Variants in STAP1 observed in about 807,000 individuals in gnomAD.
STAP1 encodes the protein signal-transducing adaptor protein 1.
In STAP1, 30 loss-of-function variants were observed where a neutral mutation model predicts 37.8. That is an observed-to-expected ratio of 0.79 (90% confidence interval 0.59 to 1.08). The LOEUF (loss-of-function observed/expected upper bound fraction) is 1.08. Among genes scored for constraint, STAP1 ranks in the 50% least tolerant of loss-of-function variants. The pLI is 0.00. For missense variants in STAP1, 357 were observed against 349.4 expected (o/e 1.02, Z -0.17); for synonymous variants, 130 against 116.0 (o/e 1.12, Z -0.78).
chr4:67,601,059 T>C (rs1728331260), intron 8 of STAP1, among the ~76,000 whole-genome samples: 2 of 152,168 alleles, frequency 1.3e-5, no homozygotes, highest in Non-Finnish European at 2.9e-5. Context: ...CTACCTTCTT[T>C]CTTGTCTTTT....
rs779311728 is a variant in STAP1 at position 67,593,347 on chromosome 4, G to A, written c.817G>A (p.Glu273Lys). ...AAGACCATTTATATGTTCAACTGAT[G>A]AAAACACTGGTATGTTTTTCACTTC... ...NLRPFICSTDENTGQEPSMEG... is the reference protein window; with the variant it reads ...NLRPFICSTDKNTGQEPSMEG... Residue 273 changes from glutamate (E) to lysine (K), a missense_variant, in exon 8 of 9, where the codon GAA becomes AAA. Physicochemically the swap from Glu to Lys is moderately conservative, Grantham distance 56 (BLOSUM62 1). Coordinates refer to ENST00000265404, the MANE Select transcript of STAP1 (RefSeq NM_012108.4). 14 of 1,606,084 alleles carry A rather than the reference G, an allele frequency of 8.7e-6. No homozygotes were observed. The highest frequency in any genetic ancestry group is 1.0e-5 in the Non-Finnish European group (12 of 1,174,736).
At chr4:67,571,248 T>A in intron 2 of STAP1, 93 bp downstream of exon 2, 1 of 823,840 alleles carries the variant, frequency 1.2e-6, no homozygotes, top group Non-Finnish European at 1.9e-6. Context: ...CATCCAAGAA[T>A]AAAGATGCTC....
At chr4:67,564,467 T>G (rs531499618) in intron 1 of STAP1, among the ~76,000 whole-genome samples, 1 of 152,302 alleles carries the variant, frequency 6.6e-6, no homozygotes, top group Admixed American at 6.5e-5. Context: ...CAATAAACCT[T>G]TACTGGCTAT....
chr4:67,570,011 T>G (rs1727565167), intron 1 of STAP1, among the ~76,000 whole-genome samples: 1 of 152,142 alleles, frequency 6.6e-6, no homozygotes, highest in Admixed American at 6.6e-5. Context: ...GATTACAGCG[T>G]GAGCCACCAG....
Position 67,579,105 on chromosome 4 carries a change from C to T in STAP1, c.363+1846C>T, listed in dbSNP as rs754410797. ...CCCACCTCAAGTGATCCTCCCACCTCGGCCTCCCAAAGTGCTGGGATTACA... is the reference window on the plus strand; with the variant it reads ...CCCACCTCAAGTGATCCTCCCACCTTGGCCTCCCAAAGTGCTGGGATTACA... On this transcript the variant is annotated intron_variant, in intron 4 of 8. Coordinates refer to ENST00000265404, the MANE Select transcript of STAP1 (RefSeq NM_012108.4). Among the ~76,000 whole-genome samples, 18 of 152,282 alleles carry T rather than the reference C, an allele frequency of 1.2e-4. No individual in the cohort carries two copies. The South Asian group carries it at 2.1e-3, about 18-fold the overall frequency.
chr4:67,599,782 C>A (rs986430403), intron 8 of STAP1, among the ~76,000 whole-genome samples: 1 of 151,944 alleles, frequency 6.6e-6, no homozygotes, highest in African/African-American at 2.4e-5. Context: ...CCTGGGATTA[C>A]AGGTGTGTGC....
chr4:67,561,764 C>T (rs900316211), intron 1 of STAP1, among the ~76,000 whole-genome samples: 3 of 151,992 alleles, frequency 2.0e-5, no homozygotes, highest in African/African-American at 7.2e-5. Flanking sequence ...TTTCTGGGAC[C>T]GTTTGAAAAT....
chr4:67,562,088 A>AGG (rs1390987989), intron 1 of STAP1, among the ~76,000 whole-genome samples: 1 of 112,800 alleles, frequency 8.9e-6, no homozygotes, highest in Non-Finnish European at 1.9e-5. Context: ...AAAAAAAAAA[A>AGG]AAAGAAAGAA....
rs774736639 is a variant in STAP1, at chr4:67,581,441, A to T, written c.500A>T (p.Asp167Val). The change falls in exon 5 of 9, where the codon GAT (aspartate) becomes GTT (valine). Residue 167 changes from aspartate to valine, a missense_variant. Coordinates refer to ENST00000265404, the MANE Select transcript of STAP1 (RefSeq NM_012108.4). ...SVEKEKEPTEDYVDVLNPMPA... is the reference protein window; with the variant it reads ...SVEKEKEPTEVYVDVLNPMPA... Reference sequence around the variant, plus strand: ...GAAAAAGAGAAGGAACCAACTGAAGATTATGTGGATGTACTGAACCCTATG... The same window carrying T: ...GAAAAAGAGAAGGAACCAACTGAAGTTTATGTGGATGTACTGAACCCTATG... 1 of 1,613,718 alleles carries T rather than the reference A, an allele frequency of 6.2e-7. No homozygotes were observed. Among genetic ancestry groups the T allele is most frequent in the South Asian group, 1.1e-5 (1 of 90,926 alleles).
chr4:67,598,764 CAGA>C (rs543409157), intron 8 of STAP1, among the ~76,000 whole-genome samples: 94 of 152,274 alleles, frequency 6.2e-4, no homozygotes, highest in African/African-American at 2.1e-3. Flanking sequence ...CTTTGTTGTG[CAGA>C]AGATTTTTAA....
Position 67,581,347 on chromosome 4 carries a change from AT to A in STAP1, c.408del (p.Lys137AsnfsTer6). 1 of 1,614,060 alleles carries A rather than the reference AT, an allele frequency of 6.2e-7. No homozygotes were observed. The highest frequency in any genetic ancestry group is 1.1e-5 in the South Asian group (1 of 91,052). ...CGTGTCACTCCTACCTGGGCAAGTA[AT>A]TAAACTGCATGAAGTCCTAGAGAGA... is the stretch of plus-strand genomic sequence containing the variant. ...QNVSLLPGQV[I>X]KLHEVLEREK... On this transcript the variant is annotated frameshift_variant, in exon 5 of 9. Coordinates refer to ENST00000265404, the MANE Select transcript of STAP1 (RefSeq NM_012108.4). LOFTEE classifies it high-confidence loss of function.
Position 67,575,412 on chromosome 4 carries a change from C to T in STAP1, c.220C>T (p.Leu74Phe), listed in dbSNP as rs1458559211. The T allele has an allele frequency of 1.3e-6, 2 of 1,597,708 alleles. No individual in the cohort carries two copies. Among genetic ancestry groups the T allele is most frequent in the Non-Finnish European group, 1.7e-6 (2 of 1,175,396 alleles). ...TGTTGACAAATTAGACATAGTAGAC[C>T]TCACATGCCTTACTGAGCAGAATTC... ...IYVDKLDIVDLTCLTEQNSTE... is the reference protein window; with the variant it reads ...IYVDKLDIVDFTCLTEQNSTE... The change falls in exon 3 of 9, where the codon CTC becomes TTC. Residue 74 changes from leucine (L) to phenylalanine (F), a missense_variant. Leu to Phe is a conservative substitution (Grantham distance 22). Transcript: ENST00000265404.
rs938523789 is a variant in STAP1 at position 67,575,398 on chromosome 4, T to C, written c.206T>C (p.Leu69Ser). The change falls in exon 3 of 9, where the codon TTA becomes TCA. Residue 69 changes from leucine (L) to serine (S), a missense_variant. Coordinates refer to ENST00000265404, the MANE Select transcript of STAP1 (RefSeq NM_012108.4). ...DKKSIIYVDK[L>S]DIVDLTCLTE... The stretch of plus-strand genomic sequence containing the variant: ...TTATCTTTGCAGTATGTTGACAAAT[T>C]AGACATAGTAGACCTCACATGCCTT... The C allele has an allele frequency of 5.0e-6, 8 of 1,587,238 alleles. No homozygotes were observed. The highest frequency in any genetic ancestry group is 6.8e-6 in the Non-Finnish European group (8 of 1,171,932).
At chr4:67,561,848 C>T (rs1367823533) in intron 1 of STAP1, among the ~76,000 whole-genome samples, 2 of 151,618 alleles carry the variant, frequency 1.3e-5, no homozygotes, top group African/African-American at 4.8e-5. Flanking sequence ...CCCAGGTGGG[C>T]GGATCACGAG....
intron 8 of STAP1, among the ~76,000 whole-genome samples, chr4:67,604,326 C>T (rs1272776715): frequency 2.0e-5 from 3 of 152,312 alleles, no homozygotes; most frequent in Middle Eastern, 3.4e-3. Context: ...GATGTTAAAA[C>T]CAAGTACTGT....
intron 8 of STAP1, among the ~76,000 whole-genome samples, chr4:67,594,546 A>G (rs903705768): frequency 2.0e-5 from 3 of 152,038 alleles, no homozygotes; most frequent in Admixed American, 1.3e-4. Context: ...ATATTAGAGA[A>G]TTCTTCCTTG....
chr4:67,607,257 G>C lies in STAP1; in HGVS notation c.*900G>C, dbSNP rs1234970147. The C allele has an allele frequency of 6.6e-6, 1 of 152,056 alleles. No individual in the cohort carries two copies. The highest frequency in any genetic ancestry group is 1.9e-4 in the East Asian group (1 of 5,194). The allele number at this position is 152,056 out of a possible 1,614,324, so 9.4% of individuals were successfully genotyped here. On this transcript the variant is annotated 3_prime_UTR_variant, in exon 9 of 9. Coordinates refer to ENST00000265404, the MANE Select transcript of STAP1 (RefSeq NM_012108.4). The stretch of plus-strand genomic sequence containing the variant: ...TGACAACTCAAGGAGAGAGGCCTCG[G>C]GGGGAAAAAAAGATCAACCTGGCCA...
intron 3 of STAP1, among the ~76,000 whole-genome samples, chr4:67,575,700 C>A (rs1727704994): frequency 6.6e-6 from 1 of 152,138 alleles, no homozygotes; most frequent in South Asian, 2.1e-4. Context: ...ACAAGCGCCA[C>A]GAAACCAGAT....
At chr4:67,590,994 G>A (rs535210480) in intron 7 of STAP1, 41 bp downstream of exon 7, 38 of 1,515,650 alleles carry the variant, frequency 2.5e-5, no homozygotes, top group Middle Eastern at 1.7e-4. Flanking sequence ...ACTTCCTCCC[G>A]ATTCCTTATA....
Sources: gnomAD v4.1 joint callset for allele counts (sites outside exome capture counted in the v4.1 genomes callset) on GRCh38, gnomAD v4.1.1 for gene constraint, MANE v1.5 for transcripts, NCBI Gene and HGNC (gene_info 2026-07-23, HGNC 2026-07-21) for gene names.